Variants in WDR45B observed in about 807,000 individuals in gnomAD.
The protein encoded by WDR45B is WD repeat domain 45B.
WDR45B carries 20 observed loss-of-function variants against 44.6 expected under a neutral mutation model. The ratio of observed to expected loss-of-function variants is 0.45; its 90% CI spans 0.32 to 0.65. The LOEUF is 0.65. Ranked by LOEUF, WDR45B falls within the 30% of genes least tolerant of loss-of-function variation. The probability of loss-of-function intolerance (pLI) is 0.05; values close to 1 mark genes in which losing one functional copy is unlikely to be tolerated. For missense variants in WDR45B, 323 were observed against 430.2 expected, an observed-to-expected ratio of 0.75 and a Z score of 2.20; for synonymous variants, 169 against 164.9, an observed-to-expected ratio of 1.02 and a Z score of -0.19.
chr17:82,617,412 A>G lies in WDR45B; in HGVS notation c.705-15T>C. The G allele has an allele frequency of 6.2e-7, 1 of 1,613,474 alleles. No individual in the cohort carries two copies. Among genetic ancestry groups the G allele is most frequent in the African/African-American group, 1.3e-5 (1 of 75,050 alleles). On this transcript the variant is annotated splice_polypyrimidine_tract_variant and intron_variant, in intron 7 of 9. Transcript: ENST00000392325. ...TGAAGTTGATGCTGCAGAGAAAACCAGCACAGCTCAGGCCTTGTGTGGATG... is the reference window on the plus strand; with the variant it reads ...TGAAGTTGATGCTGCAGAGAAAACCGGCACAGCTCAGGCCTTGTGTGGATG...
In WDR45B at chr17:82,616,538, G is replaced by C. The variant is rs752514033; in HGVS notation, c.914C>G (p.Pro305Arg). The C allele has an allele frequency of 2.8e-5, 45 of 1,614,054 alleles. No individual in the cohort carries two copies. The South Asian group carries it at 4.7e-4, about 17-fold the overall frequency. Residue 305 changes from proline to arginine, a missense_variant, in exon 9 of 10, where the codon CCA (proline) becomes CGA (arginine). Coordinates refer to ENST00000392325, the MANE Select transcript of WDR45B (RefSeq NM_019613.4). ...SPCICAFGTEPNAVIAICADG... is the reference protein window; with the variant it reads ...SPCICAFGTERNAVIAICADG... ...GGACCACTCACCAATGACGGCGTTTGGCTCTGTTCCAAAGGCACAAATGCA... is the reference window on the plus strand; with the variant it reads ...GGACCACTCACCAATGACGGCGTTTCGCTCTGTTCCAAAGGCACAAATGCA...
intron 1 of WDR45B, chr17:82,644,241 G>T: frequency 3.4e-6 from 2 of 593,194 alleles, no homozygotes; most frequent in Admixed American, 2.7e-5. Flanking sequence ...AAGGAGTCTT[G>T]GAGTTGTTCA....
At chr17:82,639,887 G>A (rs2045889009) in intron 2 of WDR45B, among the ~76,000 whole-genome samples, 2 of 147,584 alleles carry the variant, frequency 1.4e-5, no homozygotes, top group Non-Finnish European at 3.0e-5. Context: ...TGGGTCGGGA[G>A]GGCTGCTGGG....
intron 2 of WDR45B, among the ~76,000 whole-genome samples, chr17:82,640,411 C>T (rs1419286911): frequency 1.3e-5 from 2 of 149,988 alleles, no homozygotes; most frequent in African/African-American, 4.9e-5. Flanking sequence ...AGTGCAGTGG[C>T]GAGATCTCGG....
chr17:82,639,817 T>C (rs979335658), intron 2 of WDR45B, among the ~76,000 whole-genome samples: 3 of 130,438 alleles, frequency 2.3e-5, no homozygotes, highest in African/African-American at 9.3e-5. Flanking sequence ...GCTGTGTGTG[T>C]GTCAGGTCGG....
chr17:82,648,043 G>A (rs1022406230), intron 1 of WDR45B, among the ~76,000 whole-genome samples: 10 of 147,184 alleles, frequency 6.8e-5, no homozygotes, highest in African/African-American at 2.0e-4. Flanking sequence ...GTGGGGGAGC[G>A]CGAAAGGCCA....
At chr17:82,629,496 C>T in intron 3 of WDR45B, 1 of 985,498 alleles carries the variant, frequency 1.0e-6, no homozygotes, top group Non-Finnish European at 1.2e-6. Context: ...CTAGCAGCCA[C>T]TCTCAACTCT....
chr17:82,615,953 G>C lies in WDR45B; in HGVS notation c.1001C>G (p.Ala334Gly). The C allele has an allele frequency of 6.2e-7, 1 of 1,613,710 alleles. No homozygotes were observed. The highest frequency in any genetic ancestry group is 8.5e-7 in the Non-Finnish European group (1 of 1,179,944). ...GTCATCGGTCATCTCTAGAAACTGC[G>C]CGTAGACATCTCGGATGCACTCCCC... Reference protein sequence around the residue: ...PKGECIRDVYAQFLEMTDDKL With the variant: ...PKGECIRDVYGQFLEMTDDKL The change falls in exon 10 of 10, where the codon GCG becomes GGG. Residue 334 changes from alanine (A) to glycine (G), a missense_variant. Transcript: ENST00000392325.
At chr17:82,627,986 T>C (rs1229415169) in intron 3 of WDR45B, among the ~76,000 whole-genome samples, 1 of 152,222 alleles carries the variant, frequency 6.6e-6, no homozygotes, top group African/African-American at 2.4e-5. Context: ...TGGGTTGTTC[T>C]TCCTCTTTTT....
intron 5 of WDR45B, 68 bp downstream of exon 5, chr17:82,625,321 G>A: frequency 6.8e-7 from 1 of 1,467,032 alleles, no homozygotes; most frequent in Non-Finnish European, 9.6e-7. Flanking sequence ...TTGGAGAAGG[G>A]AGTGCCCAGC....
intron 2 of WDR45B, 148 bp downstream of exon 2, chr17:82,643,801 G>T: frequency 1.3e-6 from 1 of 792,094 alleles, no homozygotes; most frequent in Non-Finnish European, 2.2e-6. Context: ...AAAGAAAGAG[G>T]ACAGCTCCCT....
chr17:82,646,974 G>A (rs2045986180), intron 1 of WDR45B, among the ~76,000 whole-genome samples: 1 of 152,190 alleles, frequency 6.6e-6, no homozygotes, highest in South Asian at 2.1e-4. Flanking sequence ...GCTCACGCCT[G>A]TAATCCCAGC....
At chr17:82,632,914 ATC>A (rs1479164687) in intron 2 of WDR45B, among the ~76,000 whole-genome samples, 1 of 152,156 alleles carries the variant, frequency 6.6e-6, no homozygotes, top group Admixed American at 6.5e-5. Context: ...CACGCCTGTA[ATC>A]TCAGCACTTT....
Position 82,617,387 on chromosome 17 carries a change from T to C in WDR45B, c.715A>G (p.Asn239Asp). The C allele has an allele frequency of 1.2e-6, 2 of 1,614,136 alleles. No homozygotes were observed. Among genetic ancestry groups the C allele is most frequent in the Non-Finnish European group, 1.7e-6 (2 of 1,179,992 alleles). Residue 239 changes from asparagine (N) to aspartate (D), a missense_variant, in exon 8 of 10, where the codon AAT (asparagine) becomes GAT (aspartate). Asn to Asp is a conservative substitution (Grantham distance 23). Coordinates refer to ENST00000392325, the MANE Select transcript of WDR45B (RefSeq NM_019613.4). ...ACGCAGATGAGGGACGCATCCTGATTGAAGTTGATGCTGCAGAGAAAACCA... is the reference window on the plus strand; with the variant it reads ...ACGCAGATGAGGGACGCATCCTGATCGAAGTTGATGCTGCAGAGAAAACCA... ...QAANIYCINF[N>D]QDASLICVSS...
chr17:82,616,415 G>C (rs1598255996), intron 9 of WDR45B, 109 bp downstream of exon 9: 2 of 1,568,220 alleles, frequency 1.3e-6, no homozygotes, highest in East Asian at 4.5e-5. Flanking sequence ...GGCGGCCATC[G>C]GTGCCACAGC....
At position 82,648,440 on chromosome 17, in the gene WDR45B, G is replaced by C; in HGVS notation, c.-100C>G. On this transcript the variant is annotated 5_prime_UTR_variant, in exon 1 of 10. Coordinates refer to ENST00000392325, the MANE Select transcript of WDR45B (RefSeq NM_019613.4). ...GCCGGCGCTGAGGCCGCCGCGGCCG[G>C]AAGTGCCGGACGTACGTGCGTGCGT... 1.4e-6 allele frequency: 2 copies of C among 1,432,292 alleles called. No individual in the cohort carries two copies. The highest frequency in any genetic ancestry group is 1.2e-5 in the South Asian group (1 of 80,798). 88.7% of individuals were successfully genotyped at this position (1,432,292 alleles called of 1,614,324 possible). A position where few individuals can be genotyped will look rare whatever the true frequency, so the allele number is the denominator to read the frequency against.
At chr17:82,617,605 G>GT (rs1191447061) in intron 7 of WDR45B, 6 of 604,268 alleles carry the variant, frequency 9.9e-6, no homozygotes, top group Non-Finnish European at 1.5e-5. Flanking sequence ...ACAATCCAGT[G>GT]TATCACGGCA....
chr17:82,645,129 C>G (rs1158412765), intron 1 of WDR45B, among the ~76,000 whole-genome samples: 1 of 152,098 alleles, frequency 6.6e-6, no homozygotes, highest in East Asian at 1.9e-4. Flanking sequence ...AACCCCGTCT[C>G]TACTAGAAAT....
chr17:82,629,533 T>G (rs997127927), intron 3 of WDR45B: 29 of 985,386 alleles, frequency 2.9e-5, no homozygotes, highest in Non-Finnish European at 3.3e-5. Context: ...AGACAAACCT[T>G]GTGAGATTAC....
Sources: gnomAD v4.1 joint callset for allele counts (sites outside exome capture counted in the v4.1 genomes callset) on GRCh38, gnomAD v4.1.1 for gene constraint, MANE v1.5 for transcripts, NCBI Gene and HGNC (gene_info 2026-07-23, HGNC 2026-07-21) for gene names.